The following KPNA4 variants were observed in gnomAD, a reference collection of about 807,000 sequenced individuals.
The protein encoded by KPNA4 is importin subunit alpha-3.
In KPNA4, 13 loss-of-function variants were observed where a neutral mutation model predicts 71.3. The observed-to-expected ratio is 0.18, with a 90% CI of 0.12 to 0.29. The LOEUF (loss-of-function observed/expected upper bound fraction) is 0.29. Ranked by LOEUF, KPNA4 falls within the 10% of genes least tolerant of loss-of-function variation. The pLI is 1.00. For missense variants in KPNA4, 334 were observed against 603.2 expected (o/e 0.55, Z 4.67); for synonymous variants, 189 against 195.2 (o/e 0.97, Z 0.26).
In KPNA4 at chr3:160,535,847, A is replaced by T. The variant is rs768954151; in HGVS notation, c.165T>A (p.Asp55Glu). Residue 55 changes from aspartate to glutamate, a missense_variant, in exon 3 of 17, where the codon GAT (aspartate) becomes GAA (glutamate). By Grantham distance (45) the Asp-to-Glu change is conservative (BLOSUM62 2). Transcript: ENST00000334256. The stretch of plus-strand genomic sequence containing the variant: ...CATCTATATCAGAGTCTTCACAGAT[A>T]TCTTCATGTGGTACATTCCTTCTCT... Reference protein sequence around the residue: ...LLKRRNVPHEDICEDSDIDGD... With the variant: ...LLKRRNVPHEEICEDSDIDGD... 2.4e-6 allele frequency: 3 copies of T among 1,258,206 alleles called. No individual in the cohort carries two copies. In the South Asian group the frequency reaches 5.8e-5, roughly 25 times the overall value. 77.9% of individuals were successfully genotyped at this position (1,258,206 alleles called of 1,614,324 possible).
chr3:160,552,050 C>T (rs1722051773), intron 1 of KPNA4, among the ~76,000 whole-genome samples: 1 of 151,566 alleles, frequency 6.6e-6, no homozygotes, highest in Non-Finnish European at 1.5e-5. Flanking sequence ...AATTATCTGG[C>T]CCAAAACGTC....
chr3:160,504,040 C>T (rs892352756), intron 16 of KPNA4, among the ~76,000 whole-genome samples: 17 of 151,900 alleles, frequency 1.1e-4, no homozygotes, highest in Middle Eastern at 6.8e-3. Context: ...GCTGTGACTG[C>T]GCCAATGCAC....
chr3:160,497,705 CAAG>C lies in KPNA4; in HGVS notation c.*4396_*4398del, dbSNP rs1039044179. The C allele has an allele frequency of 5.3e-5, 8 of 152,144 alleles. No homozygotes were observed. The highest frequency in any genetic ancestry group is 2.6e-4 in the Admixed American group (4 of 15,272). The allele number at this position is 152,144 out of a possible 1,614,324, so 9.4% of individuals were successfully genotyped here. A position where few individuals can be genotyped will look rare whatever the true frequency, so the allele number is the denominator to read the frequency against. On this transcript the variant is annotated 3_prime_UTR_variant, in exon 17 of 17. Coordinates refer to ENST00000334256, the MANE Select transcript of KPNA4 (RefSeq NM_002268.5). ...GAATTTTGCCAATAAGTAAAATAAT[CAAG>C]AAGTTACAAAAAGGATAAGATACTC...
intron 1 of KPNA4, among the ~76,000 whole-genome samples, chr3:160,543,285 C>A (rs1174403207): frequency 2.0e-5 from 3 of 152,178 alleles, no homozygotes; most frequent in East Asian, 3.9e-4. Context: ...GTATTAATTC[C>A]TTCACTTGTA....
intron 13 of KPNA4, among the ~76,000 whole-genome samples, chr3:160,510,681 T>C (rs941540894): frequency 6.6e-6 from 1 of 152,134 alleles, no homozygotes; most frequent in Non-Finnish European, 1.5e-5. Flanking sequence ...TAAAATGGCA[T>C]AATTCTTATA....
chr3:160,550,366 TC>T (rs1560055349), intron 1 of KPNA4, among the ~76,000 whole-genome samples: 1 of 152,184 alleles, frequency 6.6e-6, no homozygotes, highest in Non-Finnish European at 1.5e-5. Flanking sequence ...CAAGCAATCT[TC>T]CCCCCTCAGC....
At chr3:160,502,545 A>AT (rs1006636233) in intron 16 of KPNA4, among the ~76,000 whole-genome samples, 8 of 151,772 alleles carry the variant, frequency 5.3e-5, no homozygotes, top group Admixed American at 2.0e-4. Flanking sequence ...TAATTTTTGT[A>AT]TTTTTTGTAG....
rs1721056888 is a variant in KPNA4 at position 160,509,880 on chromosome 3, A to C, written c.1138-9T>G. 6.2e-7 allele frequency: 1 copy of C among 1,604,672 alleles called. No individual in the cohort carries two copies. The highest frequency in any genetic ancestry group is 1.7e-5 in the Admixed American group (1 of 59,794). On this transcript the variant is annotated splice_polypyrimidine_tract_variant and intron_variant, in intron 13 of 16. Coordinates refer to ENST00000334256, the MANE Select transcript of KPNA4 (RefSeq NM_002268.5). ...TGAGTGCCAAAATCCCCCTGTAAAA[A>C]GGCAAAACAAAGGCTATAAAAATTG...
rs1397478579 is a variant in KPNA4 at position 160,497,276 on chromosome 3, G to A, written c.*4828C>T. 3 of 152,150 alleles carry A rather than the reference G, an allele frequency of 2.0e-5. No homozygotes were observed. The highest frequency in any genetic ancestry group is 7.2e-5 in the African/African-American group (3 of 41,396). 9.4% of individuals were successfully genotyped at this position (152,150 alleles called of 1,614,324 possible). Reference sequence around the variant, plus strand: ...CTAAAAATACAAAAATTAGCCAGGCGTGGTAGCGTACTCCTGTAATCCCAG... The same window carrying A: ...CTAAAAATACAAAAATTAGCCAGGCATGGTAGCGTACTCCTGTAATCCCAG... On this transcript the variant is annotated 3_prime_UTR_variant, in exon 17 of 17. Transcript: ENST00000334256.
Position 160,502,075 on chromosome 3 carries a change from G to T in KPNA4, c.*29C>A. ...ATATATATATATATATCTCAGTGCT[G>T]CATTGTACCTAACTTCCACAACATC... On this transcript the variant is annotated 3_prime_UTR_variant, in exon 17 of 17. Transcript: ENST00000334256. 1.0e-6 allele frequency: 1 copy of T among 997,650 alleles called. No individual in the cohort carries two copies. The highest frequency in any genetic ancestry group is 1.6e-6 in the Non-Finnish European group (1 of 639,574). 61.8% of individuals were successfully genotyped at this position (997,650 alleles called of 1,614,324 possible). A position where few individuals can be genotyped will look rare whatever the true frequency, so the allele number is the denominator to read the frequency against.
At position 160,508,647 on chromosome 3, in the gene KPNA4, T is replaced by C. The variant is rs573439339; in HGVS notation, c.1210-378A>G. Among the ~76,000 whole-genome samples, 16 of 152,148 alleles carry C rather than the reference T, an allele frequency of 1.1e-4. No homozygotes were observed. In the East Asian group the frequency reaches 2.9e-3, roughly 28 times the overall value. On this transcript the variant is annotated intron_variant, in intron 14 of 16. Coordinates refer to ENST00000334256, the MANE Select transcript of KPNA4 (RefSeq NM_002268.5). ...ATTTAATTAATTAATTAATTAAATA[T>C]AGAGAGATGGGGTCTCACTATGTTG...
intron 16 of KPNA4, among the ~76,000 whole-genome samples, chr3:160,503,253 A>C (rs1720918472): frequency 1.3e-5 from 2 of 152,222 alleles, no homozygotes; most frequent in African/African-American, 4.8e-5. Flanking sequence ...GCAATTAGAG[A>C]CAAATGGTAT....
At chr3:160,516,335 T>C (rs1721220266) in intron 11 of KPNA4, among the ~76,000 whole-genome samples, 1 of 150,822 alleles carries the variant, frequency 6.6e-6, no homozygotes, top group Admixed American at 6.6e-5. Flanking sequence ...CAGGCACTGA[T>C]GTAGGAACAG....
chr3:160,560,384 C>T (rs1722219765), intron 1 of KPNA4, among the ~76,000 whole-genome samples: 1 of 152,030 alleles, frequency 6.6e-6, no homozygotes, highest in Non-Finnish European at 1.5e-5. Flanking sequence ...AAGTTCCCTT[C>T]AGTCATATTC....
At chr3:160,517,267 AAGTTCGTGTTAC>A (rs1355428328) in intron 11 of KPNA4, among the ~76,000 whole-genome samples, 1 of 152,028 alleles carries the variant, frequency 6.6e-6, no homozygotes, top group Non-Finnish European at 1.5e-5. Context: ...ATGTTGTTAA[AAGTTCGTGTTAC>A]AGCATGCATC....
chr3:160,528,592 A>G (rs1224394760), intron 7 of KPNA4, among the ~76,000 whole-genome samples: 4 of 152,004 alleles, frequency 2.6e-5, no homozygotes, highest in African/African-American at 9.7e-5. Context: ...TCTCAAACTC[A>G]TGACCTCAAG....
chr3:160,558,057 T>C (rs1052926421), intron 1 of KPNA4, among the ~76,000 whole-genome samples: 2 of 152,238 alleles, frequency 1.3e-5, no homozygotes, highest in Non-Finnish European at 2.9e-5. Flanking sequence ...ATTTTCATTC[T>C]GGGTACTAAA....
chr3:160,565,226 G>A lies in KPNA4; in HGVS notation c.57C>T (p.Gly19=), dbSNP rs1722323511. The change falls in exon 1 of 17, where the codon GGC becomes GGT. Residue 19 remains glycine, a synonymous_variant. Coordinates refer to ENST00000334256, the MANE Select transcript of KPNA4 (RefSeq NM_002268.5). ...NQRLKNFKNK[G]RDLETMRRQR... is the part of the protein sequence containing the mutation. ...TCCCCGAGTTTACCTCCAAGTCGCG[G>A]CCTTTGTTCTTGAAATTCTTGAGCC... 1 of 1,609,612 alleles carries A rather than the reference G, an allele frequency of 6.2e-7. No homozygotes were observed. Among genetic ancestry groups the A allele is most frequent in the African/African-American group, 1.3e-5 (1 of 74,818 alleles).
chr3:160,509,341 G>A (rs1721047833), intron 14 of KPNA4, among the ~76,000 whole-genome samples: 1 of 152,078 alleles, frequency 6.6e-6, no homozygotes, highest in Admixed American at 6.6e-5. Context: ...TTAGGAGAAT[G>A]TGTGATGCAG....
Sources: gnomAD v4.1 joint callset for allele counts (sites outside exome capture counted in the v4.1 genomes callset) on GRCh38, gnomAD v4.1.1 for gene constraint, MANE v1.5 for transcripts, NCBI Gene and HGNC (gene_info 2026-07-23, HGNC 2026-07-21) for gene names.